The following BABAM2 variants were observed in gnomAD, a reference collection of about 807,000 sequenced individuals.
BABAM2 encodes BRISC and BRCA1-A complex member 2.
In BABAM2, 31 loss-of-function variants were observed where a neutral mutation model predicts 54.7. The ratio of observed to expected loss-of-function variants is 0.57; its 90% CI spans 0.43 to 0.77. The LOEUF is 0.77. BABAM2 is among the 30% of genes least tolerant of loss of function. The pLI is 0.00. For missense variants in BABAM2, 364 were observed against 455.8 expected, an observed-to-expected ratio of 0.80 and a Z score of 1.83; for synonymous variants, 167 against 162.9, an observed-to-expected ratio of 1.03 and a Z score of -0.19.
intron 7 of BABAM2, among the ~76,000 whole-genome samples, chr2:28,160,770 G>A (rs1289004478): frequency 6.8e-6 from 1 of 147,928 alleles, no homozygotes; most frequent in Non-Finnish European, 1.5e-5. Flanking sequence ...AGAGTAGGTA[G>A]GTGGGATGAA....
At chr2:28,279,419 A>G (rs1408573892) in intron 10 of BABAM2, among the ~76,000 whole-genome samples, 2 of 152,154 alleles carry the variant, frequency 1.3e-5, no homozygotes, top group Non-Finnish European at 2.9e-5. Flanking sequence ...ACAGTATGAA[A>G]CAAAATAAAG....
intron 6 of BABAM2, among the ~76,000 whole-genome samples, chr2:28,094,253 A>C (rs189856614): frequency 5.6e-4 from 85 of 152,318 alleles, no homozygotes; most frequent in Admixed American, 1.2e-3. Flanking sequence ...TGGTCACTAC[A>C]ATAAATGCTT....
At chr2:28,074,010 T>C (rs1011284600) in intron 6 of BABAM2, among the ~76,000 whole-genome samples, 1 of 150,900 alleles carries the variant, frequency 6.6e-6, no homozygotes, top group Non-Finnish European at 1.5e-5. Flanking sequence ...TACACATATA[T>C]ACACACACAT....
intron 4 of BABAM2, among the ~76,000 whole-genome samples, chr2:28,020,952 GACAC>G (rs57086132): frequency 0.066 from 9,514 of 144,446 alleles, 322 homozygotes; most frequent in African/African-American, 0.074. Flanking sequence ...CTGTCTCTCT[GACAC>G]ACACACACAC....
At chr2:27,946,886 A>G (rs1669337089) in intron 3 of BABAM2, among the ~76,000 whole-genome samples, 1 of 152,106 alleles carries the variant, frequency 6.6e-6, no homozygotes, top group Non-Finnish European at 1.5e-5. Context: ...GCATACCGTT[A>G]TTCATCTATT....
intron 4 of BABAM2, chr2:28,016,335 T>C: frequency 8.6e-7 from 1 of 1,169,372 alleles, no homozygotes; most frequent in South Asian, 1.2e-5. Flanking sequence ...TTCTTTTTCT[T>C]TTCTAGTTGC....
chr2:28,292,306 G>A (rs183220512), intron 10 of BABAM2, among the ~76,000 whole-genome samples: 2 of 152,230 alleles, frequency 1.3e-5, no homozygotes, highest in East Asian at 1.9e-4. Context: ...GAACTGTCCC[G>A]CAAAACTGAA....
chr2:28,014,356 G>A (rs570747862), intron 4 of BABAM2, among the ~76,000 whole-genome samples: 229 of 152,252 alleles, frequency 1.5e-3, no homozygotes, highest in South Asian at 2.7e-3. Context: ...AAAGCCTGAA[G>A]TGCCTTCTGT....
chr2:27,946,830 TC>T (rs1396116924), intron 3 of BABAM2, among the ~76,000 whole-genome samples: 1 of 152,214 alleles, frequency 6.6e-6, no homozygotes, highest in African/African-American at 2.4e-5. Context: ...TACAGCCTTG[TC>T]TTTTAAGGAA....
At chr2:27,991,641 G>A (rs1672779548) in intron 4 of BABAM2, among the ~76,000 whole-genome samples, 1 of 152,132 alleles carries the variant, frequency 6.6e-6, no homozygotes, top group Non-Finnish European at 1.5e-5. Flanking sequence ...ACATATAAAT[G>A]GAATCATATA....
At chr2:28,132,605 A>G (rs538746507) in intron 7 of BABAM2, among the ~76,000 whole-genome samples, 1 of 152,174 alleles carries the variant, frequency 6.6e-6, no homozygotes, top group South Asian at 2.1e-4. Flanking sequence ...TGCTCCTTCC[A>G]TGTACAAGGC....
At chr2:28,333,155 C>T (rs925018833) in intron 11 of BABAM2, among the ~76,000 whole-genome samples, 5 of 152,068 alleles carry the variant, frequency 3.3e-5, no homozygotes, top group Non-Finnish European at 5.9e-5. Context: ...CCATGCCAAG[C>T]GCTTACCCAG....
intron 7 of BABAM2, among the ~76,000 whole-genome samples, chr2:28,196,306 A>G (rs113062570): frequency 0.16 from 20,657 of 131,798 alleles, 2,709 homozygotes; most frequent in Non-Finnish European, 0.25. Flanking sequence ...CAGCCTGGGC[A>G]ACAGAGCAAG....
At chr2:28,132,847 C>G (rs1670206569) in intron 7 of BABAM2, among the ~76,000 whole-genome samples, 2 of 152,082 alleles carry the variant, frequency 1.3e-5, no homozygotes, top group African/African-American at 4.8e-5. Flanking sequence ...TTGCAAGCTA[C>G]TTATTGAGTT....
chr2:28,028,928 G>A (rs1676096952), intron 5 of BABAM2, among the ~76,000 whole-genome samples: 1 of 151,860 alleles, frequency 6.6e-6, no homozygotes, highest in Non-Finnish European at 1.5e-5. Context: ...CACCACGCCC[G>A]GCTAATTTTT....
chr2:27,945,623 A>G, intron 3 of BABAM2, among the ~76,000 whole-genome samples: 1 of 152,196 alleles, frequency 6.6e-6, no homozygotes, highest in Non-Finnish European at 1.5e-5. Flanking sequence ...TAGAGAATTA[A>G]CATCTTAACA....
intron 11 of BABAM2, among the ~76,000 whole-genome samples, chr2:28,333,200 G>A (rs1405618085): frequency 1.3e-5 from 2 of 152,028 alleles, no homozygotes; most frequent in Non-Finnish European, 2.9e-5. Context: ...AACCCTTTAA[G>A]GTAGGCAGTT....
chr2:27,941,523 A>G lies in BABAM2; in HGVS notation c.205+11615A>G, dbSNP rs558809472. 1.9e-3 allele frequency among the ~76,000 whole-genome samples: 285 copies of G among 151,780 alleles called. 1 individual carries two copies. The highest frequency in any genetic ancestry group is 6.8e-3 in the Middle Eastern group (2 of 292). ...GCTAGCCGAGATCGCGGCACTGCAC[A>G]CCAGCCTGGGTGACAGTGCAAGACT... On this transcript the variant is annotated intron_variant, in intron 3 of 11. Coordinates refer to ENST00000379624, the MANE Select transcript of BABAM2 (RefSeq NM_199191.3).
chr2:28,222,930 C>T (rs1680549768), intron 7 of BABAM2, among the ~76,000 whole-genome samples: 1 of 152,214 alleles, frequency 6.6e-6, no homozygotes, highest in African/African-American at 2.4e-5. Context: ...CAGGCCCGCC[C>T]CGCACTCTGT....
Sources: gnomAD v4.1 joint callset for allele counts (sites outside exome capture counted in the v4.1 genomes callset) on GRCh38, gnomAD v4.1.1 for gene constraint, MANE v1.5 for transcripts, NCBI Gene and HGNC (gene_info 2026-07-23, HGNC 2026-07-21) for gene names.